The following DIAPH2 variants were observed in gnomAD, a reference collection of about 807,000 sequenced individuals.
DIAPH2 encodes the protein protein diaphanous homolog 2.
In DIAPH2, 35 loss-of-function variants were observed where a neutral mutation model predicts 92.7. The ratio of observed to expected loss-of-function variants is 0.38; its 90% CI spans 0.29 to 0.50. The LOEUF (loss-of-function observed/expected upper bound fraction) is 0.50, where lower values mean the gene tolerates loss of function less well. Ranked by LOEUF, DIAPH2 falls within the 20% of genes least tolerant of loss-of-function variation. The probability of loss-of-function intolerance (pLI) is 0.94; values close to 1 mark genes in which losing one functional copy is unlikely to be tolerated. For synonymous variants in DIAPH2, 301 were observed against 280.4 expected (o/e 1.07, Z -0.73); for missense variants, 701 against 819.5 (o/e 0.86, Z 1.77).
At chrX:97,543,568 G>A (rs1367629986) in intron 26 of DIAPH2, among the ~76,000 whole-genome samples, 1 of 110,342 alleles carries the variant, frequency 9.1e-6, no homozygotes, top group African/African-American at 3.3e-5. Flanking sequence ...GCAGTGATGC[G>A]ATCTTGACTC....
intron 4 of DIAPH2, among the ~76,000 whole-genome samples, chrX:96,788,338 T>C (rs1277830203): frequency 4.5e-5 from 5 of 112,127 alleles, no homozygotes; most frequent in Non-Finnish European, 9.4e-5. Flanking sequence ...TTTACTTCTT[T>C]GTCTCTTTTA....
At chrX:97,345,128 G>A (rs1322567735) in intron 23 of DIAPH2, among the ~76,000 whole-genome samples, 2 of 111,584 alleles carry the variant, frequency 1.8e-5, no homozygotes, top group East Asian at 5.6e-4. Context: ...CAGTCTCAAA[G>A]GTAAAAATCA....
chrX:97,192,306 AAAAAAAAAG>A (rs2067661030), intron 22 of DIAPH2, among the ~76,000 whole-genome samples: 1 of 107,669 alleles, frequency 9.3e-6, no homozygotes, highest in Non-Finnish European at 1.9e-5. Flanking sequence ...AAAAAAAAAA[AAAAAAAAAG>A]AAAAGAAAAG....
intron 23 of DIAPH2, among the ~76,000 whole-genome samples, chrX:97,326,868 C>G (rs2068955790): frequency 8.9e-6 from 1 of 111,754 alleles, no homozygotes; most frequent in African/African-American, 3.3e-5. Context: ...TAAGAAGTCT[C>G]TGGAGTATTT....
At chrX:96,697,728 A>G (rs1008990849) in intron 1 of DIAPH2, among the ~76,000 whole-genome samples, 18 of 111,661 alleles carry the variant, frequency 1.6e-4, no homozygotes, top group African/African-American at 3.3e-4. Context: ...ACGATTTTCT[A>G]TACTGCCTGA....
At chrX:97,446,584 C>T (rs1291042561) in intron 26 of DIAPH2, among the ~76,000 whole-genome samples, 4 of 111,585 alleles carry the variant, frequency 3.6e-5, no homozygotes. Context: ...CACCTATGTT[C>T]ATCCACGTGT....
chrX:97,306,948 C>T (rs1185158140), intron 23 of DIAPH2, among the ~76,000 whole-genome samples: 1 of 111,944 alleles, frequency 8.9e-6, no homozygotes, highest in Admixed American at 9.5e-5. Context: ...AGGTAAGGGG[C>T]ACCGAATTGT....
intron 23 of DIAPH2, among the ~76,000 whole-genome samples, chrX:97,280,126 A>G (rs139133079): frequency 0.016 from 1,801 of 111,232 alleles, 32 homozygotes; most frequent in African/African-American, 0.056. Context: ...CCCACACCAG[A>G]TAAGAGTTAC....
intron 4 of DIAPH2, among the ~76,000 whole-genome samples, chrX:96,856,510 A>G (rs1381935169): frequency 9.6e-6 from 1 of 103,919 alleles, no homozygotes; most frequent in African/African-American, 3.6e-5. Flanking sequence ...TTGGTTTTTC[A>G]GCAGCACAGG....
At chrX:97,186,694 G>A (rs1488680563) in intron 22 of DIAPH2, among the ~76,000 whole-genome samples, 3 of 112,074 alleles carry the variant, frequency 2.7e-5, no homozygotes, top group Non-Finnish European at 5.6e-5. Flanking sequence ...CATTTGTTAA[G>A]GAAGAAACAG....
intron 13 of DIAPH2, among the ~76,000 whole-genome samples, chrX:96,944,231 T>C (rs2065724219): frequency 8.9e-6 from 1 of 111,755 alleles, no homozygotes; most frequent in Non-Finnish European, 1.9e-5. Flanking sequence ...TGCCTTTCCA[T>C]TGAAATTTAA....
rs1293644601 is a variant in DIAPH2 at position 96,868,722 on chromosome X, G to A, written c.448-12857G>A. Among the ~76,000 whole-genome samples the A allele has an allele frequency of 4.5e-5, 5 of 111,415 alleles. No homozygotes were observed. The South Asian group carries it at 1.2e-3, about 26-fold the overall frequency. Reference sequence around the variant, plus strand: ...GCTGGGATGGTGAGGATATATCATCGCTTATCTCTGTACTCTCAGTGCCTG... The same window carrying A: ...GCTGGGATGGTGAGGATATATCATCACTTATCTCTGTACTCTCAGTGCCTG... On this transcript the variant is annotated intron_variant, in intron 4 of 26. Transcript: ENST00000324765.
intron 12 of DIAPH2, among the ~76,000 whole-genome samples, chrX:96,939,990 T>C (rs1375247139): frequency 9.2e-6 from 1 of 108,657 alleles, no homozygotes; most frequent in Non-Finnish European, 1.9e-5. Flanking sequence ...AAGGTGTTCA[T>C]TTTTTAAATT....
intron 22 of DIAPH2, among the ~76,000 whole-genome samples, chrX:97,245,221 C>T (rs1471659594): frequency 9.0e-6 from 1 of 110,859 alleles, no homozygotes; most frequent in African/African-American, 3.3e-5. Context: ...TCACTGTGGC[C>T]TCGAGCTCCC....
chrX:97,213,538 A>G (rs774004803), intron 22 of DIAPH2, among the ~76,000 whole-genome samples: 3 of 111,927 alleles, frequency 2.7e-5, no homozygotes, highest in Admixed American at 9.5e-5. Flanking sequence ...ATTATATGTC[A>G]TGTTTTAGAA....
intron 26 of DIAPH2, among the ~76,000 whole-genome samples, chrX:97,529,432 A>G (rs1293237990): frequency 2.7e-5 from 3 of 112,065 alleles, no homozygotes; most frequent in Non-Finnish European, 3.8e-5. Flanking sequence ...TTATTCAACA[A>G]TTTTTTACTG....
chrX:97,541,062 A>T (rs1356556865), intron 26 of DIAPH2, among the ~76,000 whole-genome samples: 2 of 111,651 alleles, frequency 1.8e-5, no homozygotes, highest in African/African-American at 6.5e-5. Flanking sequence ...TAAGAAAAAT[A>T]AACTATCTTA....
intron 4 of DIAPH2, among the ~76,000 whole-genome samples, chrX:96,832,527 G>C (rs2064861815): frequency 9.0e-6 from 1 of 111,283 alleles, no homozygotes. Context: ...CTAGTAGAGA[G>C]GATTGTGTGG....
chrX:97,129,941 G>A (rs778374165), intron 21 of DIAPH2, among the ~76,000 whole-genome samples: 1 of 111,818 alleles, frequency 8.9e-6, no homozygotes, highest in Non-Finnish European at 1.9e-5. Context: ...TCAAAAATGG[G>A]TAAACAAATT....
Sources: gnomAD v4.1 joint callset for allele counts (sites outside exome capture counted in the v4.1 genomes callset) on GRCh38, gnomAD v4.1.1 for gene constraint, MANE v1.5 for transcripts, NCBI Gene and HGNC (gene_info 2026-07-23, HGNC 2026-07-21) for gene names.